CCDC91: variants seen among roughly 807,000 people sequenced by gnomAD.
The protein encoded by CCDC91 is coiled-coil domain containing 91.
In CCDC91, 48 loss-of-function variants were observed where a neutral mutation model predicts 63.2. The observed-to-expected ratio is 0.76, with a 90% CI of 0.60 to 0.97. The LOEUF (loss-of-function observed/expected upper bound fraction) is 0.97, where lower values mean the gene tolerates loss of function less well. Among genes scored for constraint, CCDC91 ranks in the 50% least tolerant of loss-of-function variants. The probability of loss-of-function intolerance (pLI) is 0.00; values close to 1 mark genes in which losing one functional copy is unlikely to be tolerated. For missense variants in CCDC91, 500 were observed against 494.6 expected (o/e 1.01, Z -0.10); for synonymous variants, 167 against 165.8 (o/e 1.01, Z -0.06).
intron 6 of CCDC91, among the ~76,000 whole-genome samples, chr12:28,341,904 G>A (rs994150376): frequency 2.6e-5 from 4 of 151,548 alleles, no homozygotes; most frequent in African/African-American, 9.7e-5. Flanking sequence ...TTGTGTAGAT[G>A]TATTAGGCAA....
At chr12:28,406,019 A>C (rs1946916969) in intron 8 of CCDC91, among the ~76,000 whole-genome samples, 1 of 152,130 alleles carries the variant, frequency 6.6e-6, no homozygotes, top group Non-Finnish European at 1.5e-5. Flanking sequence ...TGGTGAATCC[A>C]ATCAGGTAAT....
intron 6 of CCDC91, 141 bp from the exon 7 acceptor site, chr12:28,362,297 T>TATATATATATATATATATATATATATA (rs1241655538): frequency 6.1e-5 from 30 of 491,368 alleles, no homozygotes; most frequent in Non-Finnish European, 8.9e-5. Context: ...TATATATATG[T>TATATATATATATATATATATATATATA]TTTCTCTTTG....
At chr12:28,355,446 T>C (rs531049559) in intron 6 of CCDC91, among the ~76,000 whole-genome samples, 1 of 152,156 alleles carries the variant, frequency 6.6e-6, no homozygotes, top group Non-Finnish European at 1.5e-5. Context: ...TAATGGAGAA[T>C]TGACAATGGC....
chr12:28,320,673 G>A (rs1940401189), intron 6 of CCDC91, among the ~76,000 whole-genome samples: 1 of 151,874 alleles, frequency 6.6e-6, no homozygotes, highest in Non-Finnish European at 1.5e-5. Flanking sequence ...AAGTCATAGA[G>A]TGTCTCAACC....
rs868277258 is a variant in CCDC91, at chr12:28,380,190, G to C, written c.655-11114G>C. ...GGCCTGTTGGGGGTTGGGGGGCTGG[G>C]GTAGGGATAGCATTAGGAGAAATAC... On this transcript the variant is annotated intron_variant, in intron 7 of 12. Coordinates refer to ENST00000536442, the MANE Select transcript of CCDC91 (RefSeq NM_018318.5). 2.4e-4 allele frequency among the ~76,000 whole-genome samples: 37 copies of C among 152,154 alleles called. 1 individual carries two copies. The highest frequency in any genetic ancestry group is 8.7e-4 in the African/African-American group (36 of 41,502).
chr12:28,260,444 C>T (rs1051693479), intron 3 of CCDC91, among the ~76,000 whole-genome samples: 2 of 151,900 alleles, frequency 1.3e-5, no homozygotes, highest in Non-Finnish European at 2.9e-5. Flanking sequence ...TTAGGATGCT[C>T]ATTTTTATTT....
intron 3 of CCDC91, among the ~76,000 whole-genome samples, chr12:28,295,044 A>G (rs889349359): frequency 6.6e-6 from 1 of 152,164 alleles, no homozygotes; most frequent in Non-Finnish European, 1.5e-5. Context: ...AGCCCTGTTC[A>G]TTGTCTTTGA....
intron 3 of CCDC91, among the ~76,000 whole-genome samples, chr12:28,296,064 A>T (rs1949546940): frequency 6.6e-6 from 1 of 151,348 alleles, no homozygotes; most frequent in Admixed American, 6.6e-5. Flanking sequence ...TTCTATTTTC[A>T]TTTATTTTTG....
chr12:28,330,463 G>T (rs1287271875), intron 6 of CCDC91, among the ~76,000 whole-genome samples: 1 of 143,710 alleles, frequency 7.0e-6, no homozygotes, highest in East Asian at 2.0e-4. Flanking sequence ...TGATGGGGTT[G>T]TTTTTTTTTT....
At chr12:28,361,620 C>T (rs1943893158) in intron 6 of CCDC91, among the ~76,000 whole-genome samples, 1 of 151,590 alleles carries the variant, frequency 6.6e-6, no homozygotes, top group South Asian at 2.1e-4. Context: ...GTTTCCGGCT[C>T]TCTTTCATCT....
At chr12:28,228,264 T>G (rs1174007345) in intron 1 of CCDC91, among the ~76,000 whole-genome samples, 3 of 152,118 alleles carry the variant, frequency 2.0e-5, no homozygotes, top group African/African-American at 7.2e-5. Context: ...GAAAACTGGC[T>G]TTTACTTATT....
At chr12:28,431,748 A>G (rs943294966) in intron 8 of CCDC91, among the ~76,000 whole-genome samples, 10 of 151,962 alleles carry the variant, frequency 6.6e-5, no homozygotes, top group Non-Finnish European at 1.5e-4. Context: ...ATAAATCATT[A>G]TCACCATAAT....
intron 1 of CCDC91, among the ~76,000 whole-genome samples, chr12:28,192,226 G>A (rs1055556483): frequency 2.6e-5 from 4 of 152,172 alleles, no homozygotes; most frequent in African/African-American, 9.7e-5. Context: ...AGCTTGTCTG[G>A]AGCTTAAATG....
At chr12:28,436,009 A>G (rs767029312) in intron 8 of CCDC91, among the ~76,000 whole-genome samples, 2 of 151,656 alleles carry the variant, frequency 1.3e-5, no homozygotes, top group African/African-American at 2.4e-5. Context: ...TTTATTTTGG[A>G]CAACATATAA....
chr12:28,376,965 ATGT>A lies in CCDC91; in HGVS notation c.655-14334_655-14332del, dbSNP rs796151879. 8.0e-4 allele frequency among the ~76,000 whole-genome samples: 122 copies of A among 151,906 alleles called. 2 individuals are homozygous for A. Among genetic ancestry groups the A allele is most frequent in the African/African-American group, 2.8e-3 (117 of 41,526 alleles). ...AAGCACTCAAGAAATTAAGTTCAAC[ATGT>A]TGTTTTTATTTTGTCTCATTTTGAG... On this transcript the variant is annotated intron_variant, in intron 7 of 12. Coordinates refer to ENST00000536442, the MANE Select transcript of CCDC91 (RefSeq NM_018318.5).
Position 28,549,311 on chromosome 12 carries a change from CA to C in CCDC91, c.*140del. ...TTTCCAGTTCAAGGATAAACCAAAA[CA>C]ATATTTAGAACTATCAAGTGATCTA... On this transcript the variant is annotated 3_prime_UTR_variant, in exon 13 of 13. Coordinates refer to ENST00000536442, the MANE Select transcript of CCDC91 (RefSeq NM_018318.5). The C allele has an allele frequency of 1.8e-6, 1 of 546,166 alleles. No individual in the cohort carries two copies. Among genetic ancestry groups the C allele is most frequent in the Admixed American group, 3.3e-5 (1 of 29,878 alleles). The allele number at this position is 546,166 out of a possible 1,614,324, so 33.8% of individuals were successfully genotyped here.
intron 1 of CCDC91, among the ~76,000 whole-genome samples, chr12:28,210,690 C>T (rs1035134862): frequency 6.6e-6 from 1 of 151,918 alleles, no homozygotes; most frequent in African/African-American, 2.4e-5. Flanking sequence ...CTGACTTTAG[C>T]CAGGACAAAC....
At chr12:28,317,242 A>T (rs532861103) in intron 6 of CCDC91, among the ~76,000 whole-genome samples, 2 of 151,966 alleles carry the variant, frequency 1.3e-5, no homozygotes, top group African/African-American at 2.4e-5. Flanking sequence ...TCTATTTTTT[A>T]AAAAATTTGT....
intron 6 of CCDC91, among the ~76,000 whole-genome samples, chr12:28,350,781 T>C (rs533979888): frequency 6.6e-6 from 1 of 152,320 alleles, no homozygotes; most frequent in South Asian, 2.1e-4. Flanking sequence ...TCTGGCAGTA[T>C]GACTGACTCC....
Sources: allele counts gnomAD v4.1 joint callset (sites outside exome capture counted in the v4.1 genomes callset), GRCh38; gene constraint gnomAD v4.1.1; transcripts MANE v1.5; gene names NCBI Gene and HGNC (gene_info 2026-07-23, HGNC 2026-07-21).